METTL24: variants seen among roughly 807,000 people sequenced by gnomAD.
METTL24 encodes methyltransferase like 24, also known as probable methyltransferase-like protein 24.
METTL24 carries 29 observed loss-of-function variants against 32.7 expected under a neutral mutation model. That is an observed-to-expected ratio of 0.89 (90% CI 0.66 to 1.21). METTL24 has a LOEUF of 1.21. METTL24 is among the 50% of genes most tolerant of loss of function. The pLI is 0.00. For synonymous variants in METTL24, 163 were observed against 179.5 expected, an observed-to-expected ratio of 0.91 and a Z score of 0.73; for missense variants, 439 against 468.1, an observed-to-expected ratio of 0.94 and a Z score of 0.57.
At chr6:110,329,894 G>A (rs1772083680) in intron 1 of METTL24, among the ~76,000 whole-genome samples, 1 of 152,252 alleles carries the variant, frequency 6.6e-6, no homozygotes. Flanking sequence ...TGGACAGAAT[G>A]CACAGAGCGG....
intron 1 of METTL24, among the ~76,000 whole-genome samples, chr6:110,353,728 T>A (rs77534443): frequency 0.034 from 5,249 of 152,160 alleles, 169 homozygotes; most frequent in Admixed American, 0.083. Flanking sequence ...TTCGGGAAGC[T>A]TGGCCACTGA....
chr6:110,358,031 C>A lies in METTL24; in HGVS notation c.242G>T (p.Arg81Leu). 1.8e-6 allele frequency: 2 copies of A among 1,130,206 alleles called. No homozygotes were observed. Among genetic ancestry groups the A allele is most frequent in the Non-Finnish European group, 2.2e-6 (2 of 923,856 alleles). 70.0% of individuals were successfully genotyped at this position (1,130,206 alleles called of 1,614,324 possible). A position where few individuals can be genotyped will look rare whatever the true frequency, so the allele number is the denominator to read the frequency against. Residue 81 changes from arginine (R) to leucine (L), a missense_variant, in exon 1 of 5, where the codon CGG (arginine) becomes CTG (leucine). By Grantham distance (102) the Arg-to-Leu change is moderately radical. Coordinates refer to ENST00000338882, the MANE Select transcript of METTL24 (RefSeq NM_001123364.3). ...RQVTYVRSGR[R>L]APPGGGGSGT... ...GCTCCCGCCGCCCCCCGGCGGCGCC[C>A]GGCGACCGCTGCGCACGTAGGTCAC... is the stretch of plus-strand genomic sequence containing the variant.
chr6:110,358,216 G>T lies in METTL24; in HGVS notation c.57C>A (p.Leu19=), dbSNP rs781377595. 6.7e-7 allele frequency: 1 copy of T among 1,482,328 alleles called. No homozygotes were observed. Among genetic ancestry groups the T allele is most frequent in the Non-Finnish European group, 8.9e-7 (1 of 1,122,924 alleles). The allele number at this position is 1,482,328 out of a possible 1,614,324, so 91.8% of individuals were successfully genotyped here. A position where few individuals can be genotyped will look rare whatever the true frequency, so the allele number is the denominator to read the frequency against. ...RGCGVLRRCL[L]GAVLLFGLRL... is the part of the protein sequence containing the mutation. ...GCAGGCCGAACAACAGCACAGCCCC[G>T]AGTAGACACCGGCGCAGGACGCCGC... The change falls in exon 1 of 5, where the codon CTC becomes CTA. Residue 19 remains leucine, a synonymous_variant. Coordinates refer to ENST00000338882, the MANE Select transcript of METTL24 (RefSeq NM_001123364.3).
intron 4 of METTL24, among the ~76,000 whole-genome samples, chr6:110,289,890 G>T (rs1771287881): frequency 1.3e-5 from 2 of 152,120 alleles, no homozygotes; most frequent in Admixed American, 1.3e-4. Context: ...ACACTCTTCT[G>T]CAATTTGCTT....
intron 1 of METTL24, among the ~76,000 whole-genome samples, chr6:110,352,170 G>A (rs73763043): frequency 0.02 from 3,097 of 152,272 alleles, 122 homozygotes; most frequent in African/African-American, 0.071. Context: ...AATTTAAAAG[G>A]ACCTTTGGCT....
intron 4 of METTL24, among the ~76,000 whole-genome samples, chr6:110,295,839 AAG>A (rs1771407221): frequency 1.3e-5 from 2 of 149,174 alleles, no homozygotes; most frequent in Admixed American, 6.7e-5. Context: ...GGAAGGAAGG[AAG>A]GTTCTCTATA....
intron 4 of METTL24, among the ~76,000 whole-genome samples, chr6:110,296,145 TATC>T (rs1771414805): frequency 1.3e-5 from 2 of 152,210 alleles, no homozygotes; most frequent in Admixed American, 1.3e-4. Context: ...TATTCAGAGT[TATC>T]AGCAGCATGG....
chr6:110,311,468 GTT>G (rs1051868507), intron 3 of METTL24, among the ~76,000 whole-genome samples: 32 of 96,148 alleles, frequency 3.3e-4, no homozygotes, highest in African/African-American at 1.2e-3. Flanking sequence ...TTCTTTCTTT[GTT>G]TTTTTTTTTT....
chr6:110,305,045 T>C (rs1771603613), intron 3 of METTL24, among the ~76,000 whole-genome samples: 1 of 152,176 alleles, frequency 6.6e-6, no homozygotes, highest in African/African-American at 2.4e-5. Flanking sequence ...CAGAATTTCA[T>C]GTCCAGCCAA....
intron 1 of METTL24, among the ~76,000 whole-genome samples, chr6:110,344,507 T>C (rs1772429461): frequency 6.6e-6 from 1 of 152,108 alleles, no homozygotes. Context: ...GGTAGTTATA[T>C]AAAAAGATAA....
At chr6:110,311,480 T>TG (rs1771722302) in intron 3 of METTL24, among the ~76,000 whole-genome samples, 1 of 139,816 alleles carries the variant, frequency 7.2e-6, no homozygotes, top group African/African-American at 2.7e-5. Context: ...TTTTTTTTTT[T>TG]TTTTTTTTTT....
At chr6:110,300,106 C>T (rs1277116017) in intron 3 of METTL24, among the ~76,000 whole-genome samples, 2 of 152,108 alleles carry the variant, frequency 1.3e-5, no homozygotes, top group Non-Finnish European at 2.9e-5. Flanking sequence ...GTGAGCCCTC[C>T]ATAGCTGTGG....
rs151311646 is a variant in METTL24, at chr6:110,322,876, C to A, written c.319-4G>T. On this transcript the variant is annotated splice_region_variant and splice_polypyrimidine_tract_variant and intron_variant, in intron 1 of 4. Transcript: ENST00000338882. ...GATCTATATGCCACCGGGGACCCTGCAAGAGACAGAAAACATAGGTTGTGT... is the reference window on the plus strand; with the variant it reads ...GATCTATATGCCACCGGGGACCCTGAAAGAGACAGAAAACATAGGTTGTGT... The A allele has an allele frequency of 7.3e-5, 117 of 1,605,672 alleles. No individual in the cohort carries two copies. The Admixed American group carries it at 8.1e-4, about 11-fold the overall frequency.
chr6:110,338,430 G>A (rs1324872018), intron 1 of METTL24, among the ~76,000 whole-genome samples: 2 of 152,170 alleles, frequency 1.3e-5, no homozygotes, highest in African/African-American at 4.8e-5. Context: ...TCTGGGAGGT[G>A]GAGGTTGCAG....
At chr6:110,265,160 AG>A (rs1770830181) in intron 4 of METTL24, among the ~76,000 whole-genome samples, 6 of 147,858 alleles carry the variant, frequency 4.1e-5, no homozygotes, top group African/African-American at 1.5e-4. Context: ...AAAGAAAGAA[AG>A]AAAGAAAGAA....
intron 1 of METTL24, 43 bp from the exon 2 acceptor site, chr6:110,322,915 A>G: frequency 6.6e-7 from 1 of 1,505,018 alleles, no homozygotes; most frequent in Non-Finnish European, 9.2e-7. Context: ...AGGAAGAGGA[A>G]CTGGGTGGGA....
At chr6:110,284,644 A>T (rs1252577864) in intron 4 of METTL24, among the ~76,000 whole-genome samples, 3 of 152,154 alleles carry the variant, frequency 2.0e-5, no homozygotes, top group African/African-American at 7.2e-5. Context: ...GTTGAATTTG[A>T]CATAATATTT....
chr6:110,336,425 C>T (rs999493262), intron 1 of METTL24, among the ~76,000 whole-genome samples: 2 of 152,162 alleles, frequency 1.3e-5, no homozygotes, highest in African/African-American at 2.4e-5. Flanking sequence ...CATGCAAGCA[C>T]CTACTAAAAG....
chr6:110,259,172 G>A (rs1055801191), intron 4 of METTL24, among the ~76,000 whole-genome samples: 15 of 152,088 alleles, frequency 9.9e-5, no homozygotes, highest in Non-Finnish European at 1.3e-4. Flanking sequence ...GTGAGGCATC[G>A]CCTCACCCGG....
Sources: gnomAD v4.1 joint callset for allele counts (sites outside exome capture counted in the v4.1 genomes callset) on GRCh38, gnomAD v4.1.1 for gene constraint, MANE v1.5 for transcripts, NCBI Gene and HGNC (gene_info 2026-07-23, HGNC 2026-07-21) for gene names.